The following EXT1 variants were observed in gnomAD, a reference collection of about 807,000 sequenced individuals.
The protein encoded by EXT1 is exostosin-1.
Under a neutral mutation model 82.5 loss-of-function variants are expected in EXT1, and 20 were observed. The observed-to-expected ratio is 0.24, with a 90% CI of 0.17 to 0.35. EXT1 has a LOEUF of 0.35. Ranked by LOEUF, EXT1 falls within the 10% of genes least tolerant of loss-of-function variation. EXT1 has a pLI of 1.00. For missense variants in EXT1, 757 were observed against 936.5 expected (o/e 0.81, Z 2.50); for synonymous variants, 348 against 350.8 (o/e 0.99, Z 0.09).
chr8:117,879,114 T>C (rs904414739), intron 1 of EXT1, among the ~76,000 whole-genome samples: 1 of 152,156 alleles, frequency 6.6e-6, no homozygotes, highest in Non-Finnish European at 1.5e-5. Context: ...CAAGAATATA[T>C]CATCCTACAG....
At chr8:117,929,326 G>A (rs1814006586) in intron 1 of EXT1, among the ~76,000 whole-genome samples, 1 of 152,190 alleles carries the variant, frequency 6.6e-6, no homozygotes, top group Non-Finnish European at 1.5e-5. Context: ...CTAAATCACA[G>A]GAAGTGTCAG....
At chr8:117,855,958 C>A (rs1812549170) in intron 1 of EXT1, among the ~76,000 whole-genome samples, 1 of 152,226 alleles carries the variant, frequency 6.6e-6, no homozygotes, top group Non-Finnish European at 1.5e-5. Context: ...GCGTAAGCCA[C>A]CATGCCCGGC....
At chr8:118,094,449 T>A (rs1043165570) in intron 1 of EXT1, among the ~76,000 whole-genome samples, 1 of 152,090 alleles carries the variant, frequency 6.6e-6, no homozygotes, top group African/African-American at 2.4e-5. Context: ...AGAAATGAAA[T>A]TAAAACCATG....
intron 1 of EXT1, among the ~76,000 whole-genome samples, chr8:117,904,644 C>G (rs1237672335): frequency 2.0e-5 from 3 of 152,118 alleles, no homozygotes; most frequent in Non-Finnish European, 2.9e-5. Flanking sequence ...TCTTATAACT[C>G]AAGTGATTCC....
chr8:117,975,965 G>C (rs1169033797), intron 1 of EXT1, among the ~76,000 whole-genome samples: 3 of 152,172 alleles, frequency 2.0e-5, no homozygotes, highest in Non-Finnish European at 1.5e-5. Flanking sequence ...GGTAGAGAAA[G>C]AAGGCTAATA....
At chr8:118,063,204 T>TAA (rs11441810) in intron 1 of EXT1, among the ~76,000 whole-genome samples, 1,652 of 150,470 alleles carry the variant, frequency 0.011, 25 homozygotes, top group African/African-American at 0.039. Context: ...GCAGTTATAG[T>TAA]AAAAAAAAAA....
At chr8:117,804,619 T>G (rs1358251088) in intron 10 of EXT1, 103 bp downstream of exon 10, 1 of 1,291,946 alleles carries the variant, frequency 7.7e-7, no homozygotes, top group Non-Finnish European at 1.1e-6. Context: ...TTTCTCCTCA[T>G]TATATGCTCC....
rs17503257 is a variant in EXT1, at chr8:117,819,585, T to C, written c.1536+91A>G. On this transcript the variant is annotated intron_variant, in intron 6 of 10. Transcript: ENST00000378204. ...GATGTTAGAGAAGTCCCGGGGAGCC[T>C]GGGGAGCCCGGGGGATAACAGGTAA... The C allele has an allele frequency of 3.9e-3, 3,720 of 944,202 alleles. 85 individuals carry two copies. In the African/African-American group the frequency reaches 0.065, roughly 16 times the overall value. 58.5% of individuals were successfully genotyped at this position (944,202 alleles called of 1,614,324 possible).
Position 117,804,856 on chromosome 8 carries a change from TG to T in EXT1, c.1920del (p.Ser641AlafsTer2). 6.2e-7 allele frequency: 1 copy of T among 1,614,156 alleles called. No homozygotes were observed. Among genetic ancestry groups the T allele is most frequent in the Non-Finnish European group, 8.5e-7 (1 of 1,179,976 alleles). On this transcript the variant is annotated frameshift_variant, in exon 10 of 11. Transcript: ENST00000378204. LOFTEE classifies it high-confidence loss of function. Reference sequence around the variant, plus strand: ...AATTGGTCCACCATGTTCTTCAGGCTGGCTGGCAGGTAATGGGAGTATAGGT... The same window carrying T: ...AATTGGTCCACCATGTTCTTCAGGCTGCTGGCAGGTAATGGGAGTATAGGT... ...YHYLYSHYLP[A>X]SLKNMVDQLA...
At chr8:118,098,105 T>A (rs1173049181) in intron 1 of EXT1, among the ~76,000 whole-genome samples, 1 of 152,062 alleles carries the variant, frequency 6.6e-6, no homozygotes, top group Non-Finnish European at 1.5e-5. Context: ...GAATTAACTA[T>A]GAGACACCCC....
chr8:117,926,718 C>A (rs920139034), intron 1 of EXT1, among the ~76,000 whole-genome samples: 2 of 152,166 alleles, frequency 1.3e-5, no homozygotes, highest in African/African-American at 4.8e-5. Flanking sequence ...GCAGACAGTT[C>A]AACTCTGTCA....
intron 1 of EXT1, among the ~76,000 whole-genome samples, chr8:117,897,596 T>TC (rs1013702952): frequency 2.2e-5 from 3 of 135,738 alleles, no homozygotes; most frequent in African/African-American, 8.4e-5. Flanking sequence ...TTTCTCTTTT[T>TC]TTTTTTTTTT....
rs1336653323 is a variant in EXT1 at position 117,950,797 on chromosome 8, T to TC, written c.963-113597_963-113596insG. Among the ~76,000 whole-genome samples, 81 of 152,338 alleles carry TC rather than the reference T, an allele frequency of 5.3e-4. 1 individual carries two copies. Among genetic ancestry groups the TC allele is most frequent in the African/African-American group, 1.9e-3 (79 of 41,582 alleles). ...TTATTCAAGTTCACCTTGATTGTTT[T>TC]ACTGGGTCCTAACCAGGAGCTTTCT... On this transcript the variant is annotated intron_variant, in intron 1 of 10. Coordinates refer to ENST00000378204, the MANE Select transcript of EXT1 (RefSeq NM_000127.3).
chr8:117,851,835 G>C (rs1034051263), intron 1 of EXT1, among the ~76,000 whole-genome samples: 2 of 152,152 alleles, frequency 1.3e-5, no homozygotes, highest in Non-Finnish European at 2.9e-5. Context: ...GTAAAAGCCT[G>C]GGCCAAAGTC....
At chr8:118,057,651 C>CA (rs1037344387) in intron 1 of EXT1, among the ~76,000 whole-genome samples, 2 of 148,096 alleles carry the variant, frequency 1.4e-5, no homozygotes, top group Non-Finnish European at 3.0e-5. Context: ...TTGAGGGGTT[C>CA]AAAAAATGTC....
chr8:117,949,974 C>A (rs1685176269), intron 1 of EXT1, among the ~76,000 whole-genome samples: 1 of 152,190 alleles, frequency 6.6e-6, no homozygotes, highest in African/African-American at 2.4e-5. Context: ...CCTGTAATCC[C>A]AGCACTTTGG....
At chr8:117,966,793 A>G (rs1814820547) in intron 1 of EXT1, among the ~76,000 whole-genome samples, 1 of 152,132 alleles carries the variant, frequency 6.6e-6, no homozygotes, top group Admixed American at 6.5e-5. Context: ...ATCTATTTTT[A>G]TTTTCCCCCT....
At chr8:117,904,356 A>T (rs1813504382) in intron 1 of EXT1, among the ~76,000 whole-genome samples, 1 of 152,208 alleles carries the variant, frequency 6.6e-6, no homozygotes, top group Non-Finnish European at 1.5e-5. Context: ...ATGAAGGTAA[A>T]CGCAGGCAGC....
At position 118,096,678 on chromosome 8, in the gene EXT1, GGGAGGGAGGGAGGGAA is replaced by G. The variant is rs1292383139; in HGVS notation, c.962+13391_962+13406del. On this transcript the variant is annotated intron_variant, in intron 1 of 10. Transcript: ENST00000378204. ...AGGAAGGAAGGAAGGAAGGAAGGGA[GGGAGGGAGGGAGGGAA>G]GGAGGGAAGGAGGGAGGGAAGGAAA... Among the ~76,000 whole-genome samples the G allele has an allele frequency of 1.5e-4, 13 of 86,148 alleles. No homozygotes were observed. In the South Asian group the frequency reaches 4.5e-3, roughly 30 times the overall value. 56.5% of individuals were successfully genotyped at this position (86,148 alleles called of 152,430 possible).
Sources: gnomAD v4.1 joint callset for allele counts (sites outside exome capture counted in the v4.1 genomes callset) on GRCh38, gnomAD v4.1.1 for gene constraint, MANE v1.5 for transcripts, NCBI Gene and HGNC (gene_info 2026-07-23, HGNC 2026-07-21) for gene names.